FANCL: variants seen among roughly 807,000 people sequenced by gnomAD.
FANCL encodes the protein E3 ubiquitin-protein ligase FANCL.
A neutral mutation model predicts 59.4 loss-of-function variants in FANCL; 69 were observed. The ratio of observed to expected loss-of-function variants is 1.16; its 90% CI spans 0.96 to 1.42. FANCL has a LOEUF of 1.42. Among genes scored for constraint, FANCL ranks in the 40% most tolerant of loss-of-function variants. The pLI is 0.00. For missense variants in FANCL, 519 were observed against 447.2 expected (o/e 1.16, Z -1.45); for synonymous variants, 180 against 147.1 (o/e 1.22, Z -1.62).
At chr2:58,164,693 C>G (rs1685704243) in intron 8 of FANCL, among the ~76,000 whole-genome samples, 1 of 148,900 alleles carries the variant, frequency 6.7e-6, no homozygotes, top group Non-Finnish European at 1.5e-5. Flanking sequence ...CTGATAATTA[C>G]TTTAATGGGG....
chr2:58,219,813 T>G (rs764678435), intron 5 of FANCL, among the ~76,000 whole-genome samples: 5 of 152,306 alleles, frequency 3.3e-5, no homozygotes, highest in African/African-American at 7.2e-5. Context: ...GCAGGTTGGA[T>G]AGTCAGGCAA....
chr2:58,165,597 T>A (rs1438161674), intron 8 of FANCL, 127 bp downstream of exon 8: 1 of 1,205,968 alleles, frequency 8.3e-7, no homozygotes, highest in African/African-American at 1.5e-5. Flanking sequence ...AAAAAAAGTT[T>A]ATACTAGAAA....
At chr2:58,227,622 T>G (rs1349745696) in intron 3 of FANCL, among the ~76,000 whole-genome samples, 1 of 152,186 alleles carries the variant, frequency 6.6e-6, no homozygotes, top group Non-Finnish European at 1.5e-5. Flanking sequence ...CAGCCACTTG[T>G]GTGTTCCTCC....
intron 4 of FANCL, among the ~76,000 whole-genome samples, chr2:58,223,805 T>G (rs962465958): frequency 1.3e-5 from 2 of 151,946 alleles, no homozygotes; most frequent in Non-Finnish European, 2.9e-5. Context: ...CTATATGCAG[T>G]AATTACTAGG....
intron 8 of FANCL, among the ~76,000 whole-genome samples, chr2:58,164,494 T>G (rs1244145435): frequency 6.6e-6 from 1 of 152,004 alleles, no homozygotes; most frequent in Non-Finnish European, 1.5e-5. Flanking sequence ...TGGTAATGGC[T>G]CCAGACAGTA....
rs143660630 is a variant in FANCL at position 58,216,137 on chromosome 2, A to G, written c.374+5805T>C. 2.6e-3 allele frequency among the ~76,000 whole-genome samples: 393 copies of G among 152,278 alleles called. 2 individuals carry two copies. The highest frequency in any genetic ancestry group is 9.0e-3 in the African/African-American group (374 of 41,568). On this transcript the variant is annotated intron_variant, in intron 5 of 13. Coordinates refer to ENST00000233741, the MANE Select transcript of FANCL (RefSeq NM_018062.4). ...AGAGTTTAGGATCTACCAGGGGGGAAATCCCAATGAATATACCTGGCTCTT... is the reference window on the plus strand; with the variant it reads ...AGAGTTTAGGATCTACCAGGGGGGAGATCCCAATGAATATACCTGGCTCTT...
chr2:58,177,097 C>G (rs1243508309), intron 7 of FANCL, among the ~76,000 whole-genome samples: 10 of 152,200 alleles, frequency 6.6e-5, no homozygotes, highest in South Asian at 4.2e-4. Flanking sequence ...TCTCACACCA[C>G]TTAGAATGGC....
intron 5 of FANCL, 100 bp from the exon 6 acceptor site, chr2:58,204,326 T>C: frequency 1.1e-6 from 1 of 898,948 alleles, no homozygotes; most frequent in Non-Finnish European, 1.9e-6. Context: ...GCTATATTCC[T>C]ATTAATCCAT....
intron 5 of FANCL, among the ~76,000 whole-genome samples, chr2:58,218,454 A>G (rs1396386222): frequency 3.3e-5 from 5 of 152,014 alleles, no homozygotes; most frequent in African/African-American, 1.2e-4. Flanking sequence ...AGAAAAAGGC[A>G]GCATCACTAT....
chr2:58,174,854 G>T (rs932231131), intron 7 of FANCL, among the ~76,000 whole-genome samples: 2 of 152,108 alleles, frequency 1.3e-5, no homozygotes, highest in African/African-American at 4.8e-5. Flanking sequence ...CCAGGAGCTG[G>T]TTTTCTGAAA....
At chr2:58,219,159 AAAAAAAAAAAAAATATATAT>A (rs1309955486) in intron 5 of FANCL, among the ~76,000 whole-genome samples, 49 of 93,622 alleles carry the variant, frequency 5.2e-4, no homozygotes, top group African/African-American at 2.9e-3. Flanking sequence ...AAAAAAAAAA[AAAAAAAAAAAAAATATATAT>A]ATATATATAT....
intron 7 of FANCL, among the ~76,000 whole-genome samples, chr2:58,183,152 C>T (rs1688087238): frequency 6.6e-6 from 1 of 151,382 alleles, no homozygotes; most frequent in African/African-American, 2.4e-5. Context: ...GATTGATACC[C>T]TTAATATATA....
At chr2:58,199,640 C>G (rs1408557597) in intron 6 of FANCL, among the ~76,000 whole-genome samples, 2 of 152,018 alleles carry the variant, frequency 1.3e-5, no homozygotes, top group East Asian at 3.9e-4. Context: ...TTTAAGTTAA[C>G]AAAGGCAAAA....
intron 7 of FANCL, among the ~76,000 whole-genome samples, chr2:58,179,065 G>A: frequency 6.6e-6 from 1 of 152,066 alleles, no homozygotes; most frequent in Non-Finnish European, 1.5e-5. Flanking sequence ...ACAAACCACT[G>A]CTCAAGGAAA....
chr2:58,202,795 G>C (rs2105136105), intron 6 of FANCL, among the ~76,000 whole-genome samples: 1 of 151,916 alleles, frequency 6.6e-6, no homozygotes, highest in South Asian at 2.1e-4. Context: ...TTAAAATCTT[G>C]TAGGTATAGT....
At chr2:58,217,823 G>C (rs934430978) in intron 5 of FANCL, among the ~76,000 whole-genome samples, 1 of 151,850 alleles carries the variant, frequency 6.6e-6, no homozygotes, top group Non-Finnish European at 1.5e-5. Flanking sequence ...AAACATATTG[G>C]ATATCTGACA....
At chr2:58,173,237 C>A (rs907239061) in intron 7 of FANCL, among the ~76,000 whole-genome samples, 1 of 152,160 alleles carries the variant, frequency 6.6e-6, no homozygotes, top group African/African-American at 2.4e-5. Context: ...AGGAGAACTT[C>A]CCCAATCTAG....
At position 58,211,614 on chromosome 2, in the gene FANCL, T is replaced by C. The variant is rs541533876; in HGVS notation, c.375-7388A>G. Among the ~76,000 whole-genome samples, 7 of 152,350 alleles carry C rather than the reference T, an allele frequency of 4.6e-5. 1 individual carries two copies. The South Asian group carries it at 1.2e-3, about 27-fold the overall frequency. On this transcript the variant is annotated intron_variant, in intron 5 of 13. Transcript: ENST00000233741. ...GTCAGGCTGCAAATTTTTTGAACTT[T>C]TATTTTATGCTGTTTCCCTTTTAAA...
At chr2:58,169,793 A>G (rs1279041768) in intron 7 of FANCL, among the ~76,000 whole-genome samples, 1 of 152,040 alleles carries the variant, frequency 6.6e-6, no homozygotes, top group Non-Finnish European at 1.5e-5. Context: ...CAAGCGGAAG[A>G]AAGGATATCA....
Sources: allele counts gnomAD v4.1 joint callset (sites outside exome capture counted in the v4.1 genomes callset), GRCh38; gene constraint gnomAD v4.1.1; transcripts MANE v1.5; gene names NCBI Gene and HGNC (gene_info 2026-07-23, HGNC 2026-07-21).